DLG2: variants seen among roughly 807,000 people sequenced by gnomAD.
DLG2 encodes disks large homolog 2.
DLG2 carries 45 observed loss-of-function variants against 132.5 expected under a neutral mutation model. The ratio of observed to expected loss-of-function variants is 0.34; its 90% confidence interval spans 0.27 to 0.44. The LOEUF (loss-of-function observed/expected upper bound fraction) is 0.44. DLG2 is among the 20% of genes least tolerant of loss of function. The pLI, the probability that DLG2 is intolerant of heterozygous loss-of-function variation, is 1.00. For synonymous variants in DLG2, 424 were observed against 419.6 expected (o/e 1.01, Z -0.13); for missense variants, 1,045 against 1,196.9 (o/e 0.87, Z 1.87).
chr11:85,071,672 A>G (rs993088306), intron 6 of DLG2, among the ~76,000 whole-genome samples: 1 of 151,832 alleles, frequency 6.6e-6, no homozygotes, highest in South Asian at 2.1e-4. Context: ...CTAAATGAAA[A>G]AAATTCAAAC....
intron 9 of DLG2, among the ~76,000 whole-genome samples, chr11:84,162,698 C>G (rs2095573786): frequency 6.6e-6 from 1 of 152,048 alleles, no homozygotes; most frequent in Non-Finnish European, 1.5e-5. Flanking sequence ...ATTTTCAGAA[C>G]CTCTCACTGG....
intron 19 of DLG2, among the ~76,000 whole-genome samples, chr11:83,568,297 G>T (rs1156752883): frequency 6.6e-6 from 1 of 152,120 alleles, no homozygotes; most frequent in Admixed American, 6.6e-5. Context: ...GAGGATTTGG[G>T]CTAAGGTAAT....
In DLG2 at chr11:85,077,057, A is replaced by G. The variant is rs939095327; in HGVS notation, c.357+34604T>C. The stretch of plus-strand genomic sequence containing the variant: ...AAATCACAATGTAATGAAGGGAAAG[A>G]GTTGCCAAAACCATGTCTCAAATAT... On this transcript the variant is annotated intron_variant, in intron 6 of 27. Transcript: ENST00000376104. 2.0e-5 allele frequency among the ~76,000 whole-genome samples: 3 copies of G among 152,082 alleles called. No homozygotes were observed. In the East Asian group the frequency reaches 5.8e-4, roughly 29 times the overall value.
intron 8 of DLG2, among the ~76,000 whole-genome samples, chr11:84,165,853 G>A (rs568639456): frequency 2.0e-5 from 3 of 152,142 alleles, no homozygotes; most frequent in East Asian, 1.9e-4. Flanking sequence ...AGCCGAGATC[G>A]CACCACTACA....
At chr11:83,717,236 A>G (rs1000536509) in intron 18 of DLG2, among the ~76,000 whole-genome samples, 2 of 152,206 alleles carry the variant, frequency 1.3e-5, no homozygotes, top group African/African-American at 4.8e-5. Flanking sequence ...ACGACCACCA[A>G]TACAAATTAA....
intron 7 of DLG2, among the ~76,000 whole-genome samples, chr11:84,528,154 T>G (rs557166732): frequency 1.3e-5 from 2 of 152,298 alleles, no homozygotes; most frequent in East Asian, 3.9e-4. Context: ...TGAACTGACC[T>G]AAAGTGAGAA....
At chr11:84,703,575 C>T (rs1674050570) in intron 6 of DLG2, among the ~76,000 whole-genome samples, 2 of 151,310 alleles carry the variant, frequency 1.3e-5, no homozygotes, top group South Asian at 2.1e-4. Context: ...CCACAAAATG[C>T]CCCACACTAA....
At chr11:85,035,426 C>G (rs1378649279) in intron 6 of DLG2, among the ~76,000 whole-genome samples, 6 of 152,170 alleles carry the variant, frequency 3.9e-5, no homozygotes, top group Admixed American at 3.9e-4. Context: ...AGGAAACTTA[C>G]AATCATGGCA....
At chr11:84,687,173 A>G (rs2099738925) in intron 6 of DLG2, 2 of 152,108 alleles carry the variant, frequency 1.3e-5, no homozygotes. Context: ...TCCACAAAAC[A>G]CTGTGTGAAA....
intron 17 of DLG2, among the ~76,000 whole-genome samples, chr11:83,830,804 A>G (rs1194025453): frequency 6.6e-6 from 1 of 152,216 alleles, no homozygotes; most frequent in Non-Finnish European, 1.5e-5. Flanking sequence ...AAATGGGAGT[A>G]ATAATAATAA....
At chr11:83,880,142 C>T (rs573499076) in intron 15 of DLG2, among the ~76,000 whole-genome samples, 4 of 152,042 alleles carry the variant, frequency 2.6e-5, no homozygotes, top group Non-Finnish European at 5.9e-5. Context: ...ACAATGAATA[C>T]CCTGCCAAGG....
At chr11:84,818,641 T>C (rs1040487351) in intron 6 of DLG2, among the ~76,000 whole-genome samples, 3 of 151,932 alleles carry the variant, frequency 2.0e-5, no homozygotes, top group African/African-American at 7.2e-5. Context: ...ATTTGTGCTC[T>C]TTTTCTTAAA....
chr11:85,409,331 C>T (rs118183280), intron 3 of DLG2, among the ~76,000 whole-genome samples: 137 of 151,948 alleles, frequency 9.0e-4, no homozygotes, highest in Non-Finnish European at 1.8e-3. Context: ...TCTGTATCCA[C>T]GCTATCTGGG....
chr11:83,573,877 C>T (rs2096836550), intron 19 of DLG2, among the ~76,000 whole-genome samples: 1 of 152,130 alleles, frequency 6.6e-6, no homozygotes. Flanking sequence ...CAGTATAACA[C>T]ATTGGAAAGA....
At chr11:83,599,556 A>G (rs1278921897) in intron 19 of DLG2, among the ~76,000 whole-genome samples, 1 of 152,222 alleles carries the variant, frequency 6.6e-6, no homozygotes, top group Non-Finnish European at 1.5e-5. Context: ...TTCCCTGACT[A>G]GGAGTGACCA....
At chr11:84,089,173 C>A (rs1020583050) in intron 10 of DLG2, among the ~76,000 whole-genome samples, 1 of 152,132 alleles carries the variant, frequency 6.6e-6, no homozygotes, top group African/African-American at 2.4e-5. Context: ...TCCTAGAAAT[C>A]TTTCATTTTC....
chr11:85,478,867 A>G (rs1403775249), intron 3 of DLG2, among the ~76,000 whole-genome samples: 1 of 152,230 alleles, frequency 6.6e-6, no homozygotes. Context: ...CTTAATGCAT[A>G]AAAACAAATG....
chr11:83,477,102 G>A (rs986396101), intron 22 of DLG2, among the ~76,000 whole-genome samples: 1 of 152,050 alleles, frequency 6.6e-6, no homozygotes, highest in African/African-American at 2.4e-5. Flanking sequence ...GGGTTGGAAG[G>A]ATAATTATCA....
intron 6 of DLG2, among the ~76,000 whole-genome samples, chr11:85,013,085 T>A (rs968025469): frequency 1.3e-5 from 2 of 152,172 alleles, no homozygotes; most frequent in Non-Finnish European, 2.9e-5. Flanking sequence ...CAAATTGAAT[T>A]TTCCAGAAAT....
Sources: allele counts gnomAD v4.1 joint callset (sites outside exome capture counted in the v4.1 genomes callset), GRCh38; gene constraint gnomAD v4.1.1; transcripts MANE v1.5; gene names NCBI Gene and HGNC (gene_info 2026-07-23, HGNC 2026-07-21).